The following USP37 variants were observed in gnomAD, a reference collection of about 807,000 sequenced individuals.
The protein encoded by USP37 is ubiquitin carboxyl-terminal hydrolase 37.
In USP37, 27 loss-of-function variants were observed where a neutral mutation model predicts 124.0. The ratio of observed to expected loss-of-function variants is 0.22; its 90% CI spans 0.16 to 0.30. USP37 has a LOEUF of 0.30. Ranked by LOEUF, USP37 falls within the 10% of genes least tolerant of loss-of-function variation. USP37 has a pLI of 1.00. For synonymous variants in USP37, 365 were observed against 388.0 expected (o/e 0.94, Z 0.70); for missense variants, 889 against 1,140.4 (o/e 0.78, Z 3.17).
intron 22 of USP37, among the ~76,000 whole-genome samples, chr2:218,460,849 G>A (rs1168538054): frequency 6.6e-6 from 1 of 152,064 alleles, no homozygotes; most frequent in Non-Finnish European, 1.5e-5. Flanking sequence ...GCTGAGGTAG[G>A]AGAATCACTT....
chr2:218,515,295 T>A (rs949793750), intron 10 of USP37, among the ~76,000 whole-genome samples: 12 of 152,042 alleles, frequency 7.9e-5, no homozygotes, highest in African/African-American at 2.7e-4. Flanking sequence ...GACTTCAAAC[T>A]ATACTACAAG....
intron 20 of USP37, among the ~76,000 whole-genome samples, chr2:218,472,618 C>T (rs1043534436): frequency 1.3e-5 from 2 of 151,992 alleles, no homozygotes; most frequent in African/African-American, 4.8e-5. Flanking sequence ...AGACATGCAA[C>T]ATCACACCCG....
intron 23 of USP37, among the ~76,000 whole-genome samples, chr2:218,457,574 TAC>T (rs983721524): frequency 6.6e-6 from 1 of 152,208 alleles, no homozygotes; most frequent in Non-Finnish European, 1.5e-5. Flanking sequence ...AAAAAAATGT[TAC>T]GTTAAGAGTT....
chr2:218,547,668 A>G (rs777290597), intron 6 of USP37, among the ~76,000 whole-genome samples: 3 of 152,072 alleles, frequency 2.0e-5, no homozygotes, highest in Non-Finnish European at 4.4e-5. Context: ...AAAAATATCT[A>G]ATTATGATTA....
At chr2:218,470,168 C>A (rs1690595991) in intron 20 of USP37, among the ~76,000 whole-genome samples, 1 of 152,084 alleles carries the variant, frequency 6.6e-6, no homozygotes, top group South Asian at 2.1e-4. Flanking sequence ...CTTCCCCACG[C>A]CCTAATTGAA....
intron 11 of USP37, among the ~76,000 whole-genome samples, chr2:218,503,698 A>G (rs1259886276): frequency 6.6e-6 from 1 of 152,192 alleles, no homozygotes; most frequent in African/African-American, 2.4e-5. Flanking sequence ...CTGGGCAACG[A>G]GAGCAAAACT....
At chr2:218,458,690 G>C (rs909203707) in intron 23 of USP37, among the ~76,000 whole-genome samples, 2 of 152,124 alleles carry the variant, frequency 1.3e-5, no homozygotes, top group Non-Finnish European at 2.9e-5. Context: ...CTCAATGTTA[G>C]CTAAAAGTTA....
chr2:218,558,433 C>T (rs1693143898), intron 4 of USP37, 65 bp downstream of exon 4: 9 of 1,474,254 alleles, frequency 6.1e-6, no homozygotes, highest in African/African-American at 2.8e-5. Flanking sequence ...TTTACTATGG[C>T]ACAGAATAGC....
intron 22 of USP37, among the ~76,000 whole-genome samples, chr2:218,461,652 T>C (rs1690019761): frequency 6.6e-6 from 1 of 152,136 alleles, no homozygotes; most frequent in Non-Finnish European, 1.5e-5. Flanking sequence ...AAGCCAGCAA[T>C]GGAAAAGTTG....
chr2:218,520,672 A>G (rs976278938), intron 10 of USP37, among the ~76,000 whole-genome samples: 9 of 152,192 alleles, frequency 5.9e-5, no homozygotes, highest in African/African-American at 2.2e-4. Flanking sequence ...GTTTTACAAA[A>G]AAGTGTTATT....
rs765704506 is a variant in USP37, at chr2:218,454,976, T to A, written c.2894A>T (p.Gln965Leu). ...CTTCCCCACTTCCGTGCTAAGTGAC[T>A]GAGAGTTCTTTTCTGTTTCCAGCAG... ...DELLETEKNSQSLSTEVGKTT... is the reference protein window; with the variant it reads ...DELLETEKNSLSLSTEVGKTT... The change falls in exon 26 of 26, where the codon CAG becomes CTG. Residue 965 changes from glutamine to leucine, a missense_variant. By Grantham distance (113) the Gln-to-Leu change is moderately radical. Coordinates refer to ENST00000258399, the MANE Select transcript of USP37 (RefSeq NM_020935.3). The A allele has an allele frequency of 6.2e-7, 1 of 1,614,136 alleles. No homozygotes were observed. The highest frequency in any genetic ancestry group is 8.5e-7 in the Non-Finnish European group (1 of 1,180,044).
rs766916313 is a variant in USP37, at chr2:218,452,638, C to A, written c.*2292G>T. On this transcript the variant is annotated 3_prime_UTR_variant, in exon 26 of 26. Transcript: ENST00000258399. Reference sequence around the variant, plus strand: ...CAACTCCTGCCCAAGACATGAAGATCAAATCAGGTTTCTGAGGTAAGTGTA... The same window carrying A: ...CAACTCCTGCCCAAGACATGAAGATAAAATCAGGTTTCTGAGGTAAGTGTA... The A allele has an allele frequency of 6.6e-6, 1 of 152,176 alleles. No homozygotes were observed. The highest frequency in any genetic ancestry group is 1.5e-5 in the Non-Finnish European group (1 of 68,028). The allele number at this position is 152,176 out of a possible 1,614,324, so 9.4% of individuals were successfully genotyped here.
chr2:218,508,632 G>A (rs142548537), intron 11 of USP37, among the ~76,000 whole-genome samples: 1 of 152,290 alleles, frequency 6.6e-6, no homozygotes, highest in East Asian at 1.9e-4. Context: ...ATAAAATGTT[G>A]TCTGGTTAGG....
At chr2:218,509,241 G>A (rs1160364988) in intron 11 of USP37, among the ~76,000 whole-genome samples, 1 of 152,194 alleles carries the variant, frequency 6.6e-6, no homozygotes, top group Non-Finnish European at 1.5e-5. Flanking sequence ...GATTAAGAAT[G>A]CAACTGCAGC....
At chr2:218,471,898 C>T (rs919884264) in intron 20 of USP37, among the ~76,000 whole-genome samples, 4 of 151,848 alleles carry the variant, frequency 2.6e-5, no homozygotes, top group African/African-American at 4.8e-5. Context: ...GGTGTGGTGG[C>T]GGGCGCCTGT....
chr2:218,476,871 C>A lies in USP37; in HGVS notation c.2012G>T (p.Gly671Val). ...CAGGTCTTCCTGCTGCTGTTCGTTG[C>A]CTAACATTTCACAAAGTCTCTGGCT... Reference protein sequence around the residue: ...ALSQRLCEMLGNEQQQEDLEK... With the variant: ...ALSQRLCEMLVNEQQQEDLEK... The change falls in exon 19 of 26, where the codon GGC (glycine) becomes GTC (valine). Residue 671 changes from glycine to valine, a missense_variant. Transcript: ENST00000258399. 6.9e-6 allele frequency: 11 copies of A among 1,604,874 alleles called. No homozygotes were observed. Among genetic ancestry groups the A allele is most frequent in the Non-Finnish European group, 9.3e-6 (11 of 1,176,596 alleles).
At chr2:218,491,544 A>G (rs1404686980) in intron 14 of USP37, among the ~76,000 whole-genome samples, 1 of 152,216 alleles carries the variant, frequency 6.6e-6, no homozygotes, top group Non-Finnish European at 1.5e-5. Context: ...CAGAGCTGGG[A>G]TGAATAAATG....
chr2:218,508,579 C>A (rs1689807005), intron 11 of USP37, among the ~76,000 whole-genome samples: 1 of 151,968 alleles, frequency 6.6e-6, no homozygotes, highest in South Asian at 2.1e-4. Flanking sequence ...GAGACACAGA[C>A]CCAGATGAAG....
intron 11 of USP37, among the ~76,000 whole-genome samples, chr2:218,505,872 T>G (rs987650524): frequency 1.1e-4 from 2 of 18,186 alleles, no homozygotes; most frequent in African/African-American, 6.7e-4. Flanking sequence ...GTTTTGTTGT[T>G]TTTTTTTTGA....
Sources: allele counts gnomAD v4.1 joint callset (sites outside exome capture counted in the v4.1 genomes callset), GRCh38; gene constraint gnomAD v4.1.1; transcripts MANE v1.5; gene names NCBI Gene and HGNC (gene_info 2026-07-23, HGNC 2026-07-21).